The following POLR1D variants were observed in gnomAD, a reference collection of about 807,000 sequenced individuals.
The protein encoded by POLR1D is DNA-directed RNA polymerases I and III subunit RPAC2.
POLR1D carries 8 observed loss-of-function variants against 10.8 expected under a neutral mutation model. That is an observed-to-expected ratio of 0.74 (90% CI 0.43 to 1.33). POLR1D has a LOEUF of 1.33. Ranked by LOEUF, POLR1D falls within the 40% of genes most tolerant of loss-of-function variation. The pLI is 0.01. For missense variants in POLR1D, 152 were observed against 161.7 expected (o/e 0.94, Z 0.32); for synonymous variants, 54 against 57.2 (o/e 0.94, Z 0.25).
chr13:27,632,614 A>G (rs1176705388), intron 1 of POLR1D, among the ~76,000 whole-genome samples: 1 of 151,602 alleles, frequency 6.6e-6, no homozygotes, highest in African/African-American at 2.4e-5. Flanking sequence ...ATTTCTTGTA[A>G]CTCTTTTACC....
chr13:27,623,875 C>T (rs1234441387), downstream of POLR1D, among the ~76,000 whole-genome samples: 1 of 152,090 alleles, frequency 6.6e-6, no homozygotes, highest in African/African-American at 2.4e-5. Context: ...TACCAGTTTA[C>T]TGCTTGAATT....
At chr13:27,625,986 G>A (rs1956004870), downstream of POLR1D, among the ~76,000 whole-genome samples, 1 of 152,202 alleles carries the variant, frequency 6.6e-6, no homozygotes, top group South Asian at 2.1e-4. Context: ...TGAAGACATT[G>A]GAAGAGGTGA....
chr13:27,665,185 G>A (rs1183525186), intron 2 of POLR1D: 2 of 156,090 alleles, frequency 1.3e-5, no homozygotes, highest in African/African-American at 4.8e-5. Flanking sequence ...CATATTTATG[G>A]ATTCTTTACA....
At chr13:27,651,921 CAGTT>C (rs1270174292) in intron 2 of POLR1D, among the ~76,000 whole-genome samples, 1 of 152,172 alleles carries the variant, frequency 6.6e-6, no homozygotes, top group African/African-American at 2.4e-5. Context: ...TGGCATGTAG[CAGTT>C]AGTTAGTAAA....
At position 27,665,937 on chromosome 13, in the gene POLR1D, G is replaced by A. The variant is rs758774974; in HGVS notation, c.353G>A (p.Arg118Gln). 9 of 1,614,022 alleles carry A rather than the reference G, an allele frequency of 5.6e-6. No individual in the cohort carries two copies. In the South Asian group the frequency reaches 8.8e-5, roughly 16 times the overall value. Residue 118 changes from arginine to glutamine, a missense_variant, in exon 3 of 3, where the codon CGG becomes CAG. Physicochemically the swap from Arg to Gln is conservative, Grantham distance 43. Transcript: ENST00000399697. ...AGCAGCCAGGACAAGTACGAAAAGC[G>A]GTCCAACCGGCGGTGAGGCTGGAAC...
chr13:27,658,471 T>C (rs555190137), intron 2 of POLR1D, among the ~76,000 whole-genome samples: 1 of 152,240 alleles, frequency 6.6e-6, no homozygotes, highest in Admixed American at 6.5e-5. Context: ...GGCCATGGCC[T>C]GTTTTTTTCT....
chr13:27,627,583 T>A (rs1956026690), downstream of POLR1D, among the ~76,000 whole-genome samples: 1 of 152,186 alleles, frequency 6.6e-6, no homozygotes, highest in South Asian at 2.1e-4. Flanking sequence ...ATCTATTCTT[T>A]CATGAGCACT....
intron 2 of POLR1D, among the ~76,000 whole-genome samples, chr13:27,656,508 T>A (rs202077303): frequency 6.6e-6 from 1 of 151,762 alleles, no homozygotes; most frequent in African/African-American, 2.4e-5. Flanking sequence ...TCTTGGAATT[T>A]ATAATCTAAT....
chr13:27,627,793 G>T (rs1020233421), downstream of POLR1D, among the ~76,000 whole-genome samples: 1 of 145,192 alleles, frequency 6.9e-6, no homozygotes, highest in African/African-American at 2.5e-5. Context: ...AAGGAAACTG[G>T]AAGACAGCAG....
At chr13:27,646,760 G>A (rs1956224297) in intron 1 of POLR1D, among the ~76,000 whole-genome samples, 1 of 152,178 alleles carries the variant, frequency 6.6e-6, no homozygotes, top group African/African-American at 2.4e-5. Context: ...GGTAAATAAC[G>A]AGAAACAGAT....
In POLR1D at chr13:27,622,926, C is replaced by T. The variant is rs372189960; in HGVS notation, c.78C>T (p.Ala26=). 73 of 1,612,092 alleles carry T rather than the reference C, an allele frequency of 4.5e-5. No homozygotes were observed. Among genetic ancestry groups the T allele is most frequent in the Non-Finnish European group, 6.2e-5 (73 of 1,178,306 alleles). Residue 26 remains alanine (A), a synonymous_variant, in exon 2 of 2, where the codon GCC becomes GCT. Coordinates refer to ENST00000302979, the MANE Select transcript of POLR1D (RefSeq NM_015972.4). ...TGGCTGAAGGCGAGAGGAAGACAGC[C>T]CTGGAAATGGTCCAGGCAGCTGGAA... ...TSMAEGERKT[A]LEMVQAAGTD... is the part of the protein sequence containing the mutation.
At chr13:27,637,456 A>G (rs1031735733) in intron 1 of POLR1D, among the ~76,000 whole-genome samples, 1 of 152,232 alleles carries the variant, frequency 6.6e-6, no homozygotes, top group Non-Finnish European at 1.5e-5. Flanking sequence ...TTATTTGCAC[A>G]GTTGTGCACT....
At chr13:27,654,044 C>A (rs966538402) in intron 2 of POLR1D, among the ~76,000 whole-genome samples, 1 of 152,170 alleles carries the variant, frequency 6.6e-6, no homozygotes, top group Admixed American at 6.5e-5. Flanking sequence ...GCCCCTTGAA[C>A]GCTCCTTACA....
chr13:27,629,638 A>G (rs908150269), intron 1 of POLR1D, among the ~76,000 whole-genome samples: 1 of 152,236 alleles, frequency 6.6e-6, no homozygotes, highest in Admixed American at 6.5e-5. Context: ...GCTTTTAAGA[A>G]AAATACTTTA....
downstream of POLR1D, among the ~76,000 whole-genome samples, chr13:27,626,368 G>T (rs1956009958): frequency 6.6e-6 from 1 of 152,210 alleles, no homozygotes; most frequent in African/African-American, 2.4e-5. Flanking sequence ...AAAGAATTTA[G>T]ACTGATCACG....
chr13:27,666,070 T>C, exon 3 of POLR1D: 1 of 928,662 alleles, frequency 1.1e-6, no homozygotes, highest in South Asian at 1.6e-5. Flanking sequence ...CATTAGGTCC[T>C]TTGTTGTTTT....
chr13:27,640,646 A>G (rs996301468), intron 1 of POLR1D, among the ~76,000 whole-genome samples: 2 of 152,204 alleles, frequency 1.3e-5, no homozygotes, highest in East Asian at 3.8e-4. Flanking sequence ...CTTAAATCAT[A>G]TTACTCTTAT....
chr13:27,662,362 A>C (rs369848663), intron 2 of POLR1D, among the ~76,000 whole-genome samples: 3 of 150,960 alleles, frequency 2.0e-5, no homozygotes, highest in African/African-American at 7.3e-5. Context: ...TGTACTAGAC[A>C]CCCCCCCCAC....
At chr13:27,644,882 A>T (rs1956204990) in intron 1 of POLR1D, among the ~76,000 whole-genome samples, 1 of 152,154 alleles carries the variant, frequency 6.6e-6, no homozygotes, top group African/African-American at 2.4e-5. Flanking sequence ...AATTTAAGTT[A>T]TTTTGCCCCT....
Sources: gnomAD v4.1 joint callset for allele counts (sites outside exome capture counted in the v4.1 genomes callset) on GRCh38, gnomAD v4.1.1 for gene constraint, MANE v1.5 for transcripts, NCBI Gene and HGNC (gene_info 2026-07-23, HGNC 2026-07-21) for gene names.